The following PPP2R5C variants were observed in gnomAD, a reference collection of about 807,000 sequenced individuals.
PPP2R5C encodes protein phosphatase 2 regulatory subunit B'gamma.
In PPP2R5C, 7 loss-of-function variants were observed where a neutral mutation model predicts 68.9. That is an observed-to-expected ratio of 0.10 (90% CI 0.06 to 0.19). The LOEUF is 0.19. PPP2R5C is among the 10% of genes least tolerant of loss of function. The probability of loss-of-function intolerance (pLI) is 1.00; values close to 1 mark genes in which losing one functional copy is unlikely to be tolerated. For synonymous variants in PPP2R5C, 210 were observed against 222.2 expected (o/e 0.95, Z 0.49); for missense variants, 348 against 641.3 (o/e 0.54, Z 4.94).
chr14:101,761,726 A>C (rs1310987903), upstream of PPP2R5C: 42 of 922,832 alleles, frequency 4.6e-5, no homozygotes, highest in Non-Finnish European at 5.1e-5. Context: ...TGGCTGCCGC[A>C]GCCTCTGGGA....
intron 1 of PPP2R5C, among the ~76,000 whole-genome samples, chr14:101,828,968 C>T (rs1056614709): frequency 2.0e-5 from 3 of 152,174 alleles, no homozygotes; most frequent in Admixed American, 6.5e-5. Context: ...CGCAAGCCAC[C>T]GTGCCCAGCC....
At chr14:101,837,692 C>A (rs1034322809) in intron 1 of PPP2R5C, among the ~76,000 whole-genome samples, 2 of 152,090 alleles carry the variant, frequency 1.3e-5, no homozygotes, top group Admixed American at 1.3e-4. Context: ...TATCTCCAAC[C>A]TCTAGAACAC....
In PPP2R5C at chr14:101,913,144, G is replaced by A. The variant is rs570315703; in HGVS notation, c.1326+671G>A. On this transcript the variant is annotated intron_variant, in intron 12 of 13. Transcript: ENST00000334743. The surrounding 1 kb of genome is among the most constrained non-coding windows in gnomAD (Gnocchi z 4.1). The stretch of plus-strand genomic sequence containing the variant: ...GTACGCTGCTGTAAATGACTAGAGC[G>A]TTATGACAGTTTCTTCACGTTCTGT... Among the ~76,000 whole-genome samples, 5 of 152,302 alleles carry A rather than the reference G, an allele frequency of 3.3e-5. No individual in the cohort carries two copies. The highest frequency in any genetic ancestry group is 4.1e-4 in the South Asian group (2 of 4,820).
intron 3 of PPP2R5C, among the ~76,000 whole-genome samples, chr14:101,786,622 A>G (rs951502817): frequency 6.6e-6 from 1 of 152,152 alleles, no homozygotes; most frequent in African/African-American, 2.4e-5. Flanking sequence ...TACATTATGG[A>G]CTTGCTTTGT....
chr14:101,882,367 C>T lies in PPP2R5C; in HGVS notation c.405+96C>T, dbSNP rs1400720545. 3 of 807,514 alleles carry T rather than the reference C, an allele frequency of 3.7e-6. No individual in the cohort carries two copies. In the African/African-American group the frequency reaches 5.2e-5, roughly 14 times the overall value. 50.0% of individuals were successfully genotyped at this position (807,514 alleles called of 1,614,324 possible). ...GGGCGCACTGGTCTGGCCAGATGGACCTCTCCTCCTCAGTAGCATGGGCCT... is the reference window on the plus strand; with the variant it reads ...GGGCGCACTGGTCTGGCCAGATGGATCTCTCCTCCTCAGTAGCATGGGCCT... On this transcript the variant is annotated intron_variant, in intron 3 of 13. Transcript: ENST00000334743. This position sits in a 1 kb window ranked among gnomAD's most constrained non-coding sequence, Gnocchi z 4.9.
chr14:101,883,626 C>G, intron 5 of PPP2R5C, 64 bp downstream of exon 7: 1 of 1,567,174 alleles, frequency 6.4e-7, no homozygotes, highest in South Asian at 1.1e-5. Flanking sequence ...CCTCGATGCT[C>G]CCCTACCCCA....
chr14:101,884,609 G>A (rs972673186), intron 5 of PPP2R5C, among the ~76,000 whole-genome samples: 1 of 152,236 alleles, frequency 6.6e-6, no homozygotes, highest in African/African-American at 2.4e-5. Flanking sequence ...GGTGGAGGAG[G>A]ACAGAGTCCA....
At chr14:101,821,442 TGGGTGG>T (rs1174692342) in intron 1 of PPP2R5C, among the ~76,000 whole-genome samples, 6 of 90,160 alleles carry the variant, frequency 6.7e-5, no homozygotes, top group East Asian at 3.8e-4. Context: ...CTGTGGGGGG[TGGGTGG>T]GTGGGTGTGT....
chr14:101,803,783 A>G (rs1360452221), intron 3 of PPP2R5C, among the ~76,000 whole-genome samples: 1 of 152,150 alleles, frequency 6.6e-6, no homozygotes, highest in Non-Finnish European at 1.5e-5. Flanking sequence ...CAAGAAAACA[A>G]TGGGGAAAAT....
intron 2 of PPP2R5C, among the ~76,000 whole-genome samples, chr14:101,870,449 G>A (rs1347879764): frequency 6.6e-6 from 1 of 152,082 alleles, no homozygotes; most frequent in Non-Finnish European, 1.5e-5. Context: ...TTGTTCCTTT[G>A]TCAAAAATCA....
intron 3 of PPP2R5C, among the ~76,000 whole-genome samples, chr14:101,801,282 A>G (rs942756784): frequency 1.3e-5 from 2 of 152,222 alleles, no homozygotes; most frequent in Admixed American, 1.3e-4. Context: ...TGACCTGGTC[A>G]TTACACATTG....
chr14:101,863,402 AT>A (rs1002039361), intron 2 of PPP2R5C, among the ~76,000 whole-genome samples: 6 of 149,978 alleles, frequency 4.0e-5, no homozygotes, highest in Admixed American at 6.6e-5. Flanking sequence ...CCAAGTTGGG[AT>A]TTTTTTTTTA....
intron 10 of PPP2R5C, among the ~76,000 whole-genome samples, 174 bp from the exon 13 acceptor site, chr14:101,909,415 G>A (rs931163559): frequency 2.6e-5 from 4 of 152,152 alleles, no homozygotes; most frequent in African/African-American, 7.2e-5. Context: ...AGAAAGTCTC[G>A]GGATGTGTGG....
At chr14:101,773,742 T>C (rs559109247) in intron 2 of PPP2R5C, among the ~76,000 whole-genome samples, 5 of 152,280 alleles carry the variant, frequency 3.3e-5, no homozygotes, top group Non-Finnish European at 7.4e-5. Flanking sequence ...TTGCCCAGGC[T>C]GGAGTGCAGT....
At chr14:101,817,447 C>G (rs1326838339) in intron 1 of PPP2R5C, among the ~76,000 whole-genome samples, 1 of 152,188 alleles carries the variant, frequency 6.6e-6, no homozygotes, top group Non-Finnish European at 1.5e-5. Context: ...CAGTGTTGGT[C>G]CTCTGGTTGT....
chr14:101,858,821 G>A (rs1051185031), intron 2 of PPP2R5C, among the ~76,000 whole-genome samples: 9 of 152,136 alleles, frequency 5.9e-5, no homozygotes, highest in Non-Finnish European at 1.2e-4. Flanking sequence ...CGCTGGCCTG[G>A]TTCAGGTCAA....
In PPP2R5C at chr14:101,781,621, C is replaced by T. The variant is rs1001966779; in HGVS notation, c.94-4397C>T. ...TTCCAAGGAGACCCTTAGCTCCCGCCGGCCGCCTCCGGAGCCTCCGGCATG... is the reference window on the plus strand; with the variant it reads ...TTCCAAGGAGACCCTTAGCTCCCGCTGGCCGCCTCCGGAGCCTCCGGCATG... On this transcript the variant is annotated intron_variant, in intron 2 of 14. Transcript: ENST00000328724. This position sits in a 1 kb window ranked among gnomAD's most constrained non-coding sequence, Gnocchi z 6.4. 1.3e-5 allele frequency among the ~76,000 whole-genome samples: 2 copies of T among 152,164 alleles called. No homozygotes were observed. The highest frequency in any genetic ancestry group is 4.8e-5 in the African/African-American group (2 of 41,446).
At chr14:101,823,246 C>T (rs573845043) in intron 1 of PPP2R5C, among the ~76,000 whole-genome samples, 6 of 152,302 alleles carry the variant, frequency 3.9e-5, no homozygotes, top group South Asian at 4.1e-4. Context: ...AACTAAGACA[C>T]GCTGCCGATG....
At chr14:101,889,922 C>T (rs1201264428) in intron 5 of PPP2R5C, 3 of 496,972 alleles carry the variant, frequency 6.0e-6, no homozygotes, top group East Asian at 5.4e-5. Flanking sequence ...GCACATTGCT[C>T]GTGGTCGAAT....
Sources: allele counts gnomAD v4.1 joint callset (sites outside exome capture counted in the v4.1 genomes callset), GRCh38; gene constraint gnomAD v4.1.1; non-coding constraint Gnocchi (gnomAD v3.1); transcripts MANE v1.5; gene names NCBI Gene and HGNC (gene_info 2026-07-23, HGNC 2026-07-21).